Variants in ERBB4 observed in about 807,000 individuals in gnomAD.
The protein encoded by ERBB4 is receptor tyrosine-protein kinase erbB-4.
A neutral mutation model predicts 158.0 loss-of-function variants in ERBB4; 42 were observed. That is an observed-to-expected ratio of 0.27 (90% CI 0.21 to 0.34). The LOEUF (loss-of-function observed/expected upper bound fraction) is 0.34, where lower values mean the gene tolerates loss of function less well. ERBB4 is among the 10% of genes least tolerant of loss of function. The pLI, the probability that ERBB4 is intolerant of heterozygous loss-of-function variation, is 1.00. For synonymous variants in ERBB4, 583 were observed against 558.7 expected (o/e 1.04, Z -0.61); for missense variants, 1,333 against 1,624.1 (o/e 0.82, Z 3.08).
chr2:212,052,201 A>G (rs917046689), intron 2 of ERBB4, among the ~76,000 whole-genome samples: 32 of 152,204 alleles, frequency 2.1e-4, no homozygotes, highest in African/African-American at 7.5e-4. Flanking sequence ...TCCTTCTCCC[A>G]TGCTGGTTGT....
At chr2:211,785,094 T>C (rs75638812) in intron 4 of ERBB4, among the ~76,000 whole-genome samples, 3 of 117,212 alleles carry the variant, frequency 2.6e-5, no homozygotes, top group African/African-American at 1.0e-4. Flanking sequence ...ATGCACAGCC[T>C]TTTTTTTTTT....
At chr2:212,532,897 C>T (rs1352641124) in intron 1 of ERBB4, among the ~76,000 whole-genome samples, 1 of 152,172 alleles carries the variant, frequency 6.6e-6, no homozygotes, top group Admixed American at 6.5e-5. Flanking sequence ...AACAAAACAT[C>T]CACATATTTC....
intron 7 of ERBB4, among the ~76,000 whole-genome samples, chr2:211,719,895 T>C (rs2106113750): frequency 6.6e-6 from 1 of 151,834 alleles, no homozygotes; most frequent in East Asian, 1.9e-4. Context: ...AGGAAAGTGT[T>C]TTTGTATTTA....
chr2:212,497,995 C>T (rs1690672638), intron 1 of ERBB4, among the ~76,000 whole-genome samples: 1 of 152,064 alleles, frequency 6.6e-6, no homozygotes, highest in African/African-American at 2.4e-5. Context: ...TTAGATAGGA[C>T]CAGCACTCAG....
intron 19 of ERBB4, among the ~76,000 whole-genome samples, chr2:211,562,537 T>C (rs17413281): frequency 0.18 from 27,634 of 152,046 alleles, 2,713 homozygotes; most frequent in Middle Eastern, 0.24. Context: ...TGGTGTAGAG[T>C]TGGACAGCTT....
intron 1 of ERBB4, among the ~76,000 whole-genome samples, chr2:212,388,078 A>T (rs1335661356): frequency 6.6e-6 from 1 of 152,150 alleles, no homozygotes; most frequent in African/African-American, 2.4e-5. Flanking sequence ...TAATGCTTCT[A>T]TATAGATCCC....
At chr2:212,348,336 A>G (rs2106335051) in intron 1 of ERBB4, among the ~76,000 whole-genome samples, 1 of 152,238 alleles carries the variant, frequency 6.6e-6, no homozygotes, top group Non-Finnish European at 1.5e-5. Context: ...CAATACCTCA[A>G]ATATTATCAC....
At position 212,319,610 on chromosome 2, in the gene ERBB4, T is replaced by C. The variant is rs911420487; in HGVS notation, c.83-194707A>G. Among the ~76,000 whole-genome samples, 4 of 150,426 alleles carry C rather than the reference T, an allele frequency of 2.7e-5. 1 individual carries two copies. Among genetic ancestry groups the C allele is most frequent in the African/African-American group, 4.8e-5 (2 of 41,244 alleles). ...AAATGGCAAAGCAACTTTGCATAAGTGAAACATTATTTGTTACAGGAAACT... is the reference window on the plus strand; with the variant it reads ...AAATGGCAAAGCAACTTTGCATAAGCGAAACATTATTTGTTACAGGAAACT... On this transcript the variant is annotated intron_variant, in intron 1 of 27. Coordinates refer to ENST00000342788, the MANE Select transcript of ERBB4 (RefSeq NM_005235.3).
intron 2 of ERBB4, among the ~76,000 whole-genome samples, chr2:212,051,576 A>T (rs2077400794): frequency 6.6e-6 from 1 of 152,186 alleles, no homozygotes; most frequent in Admixed American, 6.6e-5. Context: ...AAATGACAAC[A>T]AAAATACTTT....
chr2:211,561,698 A>G, intron 20 of ERBB4: 2 of 574,624 alleles, frequency 3.5e-6, no homozygotes, highest in African/African-American at 1.9e-5. Flanking sequence ...TAAAAATGAT[A>G]CAACACAATA....
At chr2:211,994,574 TG>T (rs2082153623) in intron 2 of ERBB4, among the ~76,000 whole-genome samples, 1 of 152,246 alleles carries the variant, frequency 6.6e-6, no homozygotes, top group Non-Finnish European at 1.5e-5. Flanking sequence ...TTGGAGTTGT[TG>T]TTTTTTTACT....
At position 212,373,899 on chromosome 2, in the gene ERBB4, AT is replaced by A. The variant is rs1188320866; in HGVS notation, c.82+164549del. ...TATCCATGTATATATCCATATATAT[AT>A]ATCCATGTATATATCCATATATATA... On this transcript the variant is annotated intron_variant, in intron 1 of 27. Transcript: ENST00000342788. Among the ~76,000 whole-genome samples, 3 of 122,738 alleles carry A rather than the reference AT, an allele frequency of 2.4e-5. No individual in the cohort carries two copies. In the East Asian group the frequency reaches 6.5e-4, roughly 26 times the overall value. The allele number at this position is 122,738 out of a possible 152,430, so 80.5% of individuals were successfully genotyped here. A position where few individuals can be genotyped will look rare whatever the true frequency, so the allele number is the denominator to read the frequency against.
At position 211,721,443 on chromosome 2, in the gene ERBB4, C is replaced by CAAAAAAAAAAAAAAAAAAAAAAAAA. The variant is rs71054136; in HGVS notation, c.883+949_883+950insTTTTTTTTTTTTTTTTTTTTTTTTT. ...GAAATGTCCCATTGGTTACTCAAAG[C>CAAAAAAAAAAAAAAAAAAAAAAAAA]AAAAAAAAAAAAAAAAAAAAAATAG... On this transcript the variant is annotated intron_variant, in intron 7 of 27. Transcript: ENST00000342788. Among the ~76,000 whole-genome samples, 14 of 54,494 alleles carry CAAAAAAAAAAAAAAAAAAAAAAAAA rather than the reference C, an allele frequency of 2.6e-4. 2 individuals are homozygous for CAAAAAAAAAAAAAAAAAAAAAAAAA. Among genetic ancestry groups the CAAAAAAAAAAAAAAAAAAAAAAAAA allele is most frequent in the African/African-American group, 2.8e-4 (3 of 10,536 alleles). The allele number at this position is 54,494 out of a possible 152,430, so 35.8% of individuals were successfully genotyped here.
intron 2 of ERBB4, among the ~76,000 whole-genome samples, chr2:212,074,471 C>T (rs2078217093): frequency 6.6e-6 from 1 of 151,866 alleles, no homozygotes; most frequent in African/African-American, 2.4e-5. Context: ...AATAGAAGAT[C>T]ATAATGCCCC....
At chr2:212,206,459 G>A (rs2082748200) in intron 1 of ERBB4, among the ~76,000 whole-genome samples, 1 of 152,006 alleles carries the variant, frequency 6.6e-6, no homozygotes, top group African/African-American at 2.4e-5. Flanking sequence ...GTATTTCACG[G>A]TGAGCCTTTT....
At chr2:211,792,313 G>C (rs2076293671) in intron 3 of ERBB4, among the ~76,000 whole-genome samples, 1 of 151,476 alleles carries the variant, frequency 6.6e-6, no homozygotes, top group Non-Finnish European at 1.5e-5. Context: ...ATTATGCAAG[G>C]CTCAAGGTGA....
intron 25 of ERBB4, among the ~76,000 whole-genome samples, chr2:211,396,726 A>AACGT (rs2062926842): frequency 1.3e-5 from 2 of 152,224 alleles, no homozygotes. Flanking sequence ...CAAACAATTT[A>AACGT]ACGTAATACA....
chr2:211,525,435 T>A (rs1163683856), intron 20 of ERBB4, among the ~76,000 whole-genome samples: 5 of 152,092 alleles, frequency 3.3e-5, no homozygotes, highest in South Asian at 2.1e-4. Flanking sequence ...CTAGACACAC[T>A]CTGGGCCAGA....
chr2:212,310,749 T>C (rs1483062288), intron 1 of ERBB4, among the ~76,000 whole-genome samples: 1 of 150,468 alleles, frequency 6.6e-6, no homozygotes, highest in Non-Finnish European at 1.5e-5. Context: ...AATTTAATGA[T>C]TGCTATTTTA....
Sources: allele counts gnomAD v4.1 joint callset (sites outside exome capture counted in the v4.1 genomes callset), GRCh38; gene constraint gnomAD v4.1.1; transcripts MANE v1.5; gene names NCBI Gene and HGNC (gene_info 2026-07-23, HGNC 2026-07-21).